USP8: variants seen among roughly 807,000 people sequenced by gnomAD.
The protein encoded by USP8 is ubiquitin carboxyl-terminal hydrolase 8.
A neutral mutation model predicts 130.0 loss-of-function variants in USP8; 27 were observed. That is an observed-to-expected ratio of 0.21 (90% CI 0.15 to 0.29). The LOEUF is 0.29. USP8 is among the 10% of genes least tolerant of loss of function. USP8 has a pLI of 1.00. For synonymous variants in USP8, 392 were observed against 444.1 expected (o/e 0.88, Z 1.48); for missense variants, 1,029 against 1,312.2 (o/e 0.78, Z 3.33).
In USP8 at chr15:50,471,828, T is replaced by A. The variant is rs778142038; in HGVS notation, c.849+33T>A. 11 of 1,610,570 alleles carry A rather than the reference T, an allele frequency of 6.8e-6. No homozygotes were observed. In the South Asian group the frequency reaches 1.2e-4, roughly 18 times the overall value. ...AGTTTCATTGTTAGTTTATTGTAAT[T>A]GCAGGGCATCTCTGGTTGTTAGAAA... On this transcript the variant is annotated intron_variant, in intron 8 of 19. Transcript: ENST00000307179.
chr15:50,434,469 C>T (rs538807876), intron 1 of USP8, among the ~76,000 whole-genome samples: 2 of 152,064 alleles, frequency 1.3e-5, no homozygotes, highest in Non-Finnish European at 2.9e-5. Context: ...TGCTGTTTGA[C>T]TAAGGCTGAA....
rs910920200 is a variant in USP8 at position 50,499,438 on chromosome 15, A to T, written c.*350A>T. ...TGGCCTTTTCACATTTCTAAATCCC[A>T]TCTTGATATACTATGAATACTCTAG... On this transcript the variant is annotated 3_prime_UTR_variant, in exon 20 of 20. Transcript: ENST00000307179. 1 of 166,686 alleles carries T rather than the reference A, an allele frequency of 6.0e-6. No homozygotes were observed. Among genetic ancestry groups the T allele is most frequent in the Non-Finnish European group, 1.3e-5 (1 of 77,860 alleles). 10.3% of individuals were successfully genotyped at this position (166,686 alleles called of 1,614,324 possible). A position where few individuals can be genotyped will look rare whatever the true frequency, so the allele number is the denominator to read the frequency against.
chr15:50,441,164 T>C lies in USP8; in HGVS notation c.105-185T>C, dbSNP rs375088176. Among the ~76,000 whole-genome samples, 7 of 152,264 alleles carry C rather than the reference T, an allele frequency of 4.6e-5. No homozygotes were observed. In the East Asian group the frequency reaches 7.7e-4, roughly 17 times the overall value. ...GTGACTGTAAATACAGATGACACTT[T>C]GCTGGCTAACCCACCACTCATCGTC... On this transcript the variant is annotated intron_variant, in intron 2 of 19. Coordinates refer to ENST00000307179, the MANE Select transcript of USP8 (RefSeq NM_005154.5).
intron 7 of USP8, among the ~76,000 whole-genome samples, chr15:50,469,831 A>ATTTTT (rs35172083): frequency 1.5e-5 from 2 of 136,068 alleles, no homozygotes; most frequent in Non-Finnish European, 1.6e-5. Context: ...ATTAAATCCA[A>ATTTTT]TTTTTTTTTT....
At chr15:50,492,584 A>T in intron 14 of USP8, 117 bp from the exon 15 acceptor site, 1 of 954,776 alleles carries the variant, frequency 1.0e-6, no homozygotes, top group Non-Finnish European at 1.5e-6. Flanking sequence ...TTAACATATT[A>T]ACTGTTTACA....
chr15:50,432,980 G>A (rs1374129377), intron 1 of USP8, among the ~76,000 whole-genome samples: 8 of 152,174 alleles, frequency 5.3e-5, no homozygotes, highest in Non-Finnish European at 7.4e-5. Flanking sequence ...GATGGCTCAC[G>A]CCTGTAATCC....
chr15:50,490,615 T>C, intron 14 of USP8, 90 bp downstream of exon 14: 1 of 1,493,782 alleles, frequency 6.7e-7, no homozygotes, highest in Non-Finnish European at 8.9e-7. Flanking sequence ...TGTCAGGGAG[T>C]TGGAAATTTC....
At position 50,449,433 on chromosome 15, in the gene USP8, A is replaced by C; in HGVS notation, c.283A>C (p.Ile95Leu). ...CCATTCAATACTTGGACCTGGAAAC[A>C]TCAAAAAAGCTGTCGAAGAAGCTGA... Reference protein sequence around the residue: ...YFHSILGPGNIKKAVEEAERL... With the variant: ...YFHSILGPGNLKKAVEEAERL... The change falls in exon 4 of 20, where the codon ATC (isoleucine) becomes CTC (leucine). Residue 95 changes from isoleucine (I) to leucine (L), a missense_variant. Around this residue, in one of 4 missense-constraint regions of USP8, gnomAD observed 281 missense variants for 336.7 expected, o/e 0.83. Transcript: ENST00000307179. 6.3e-7 allele frequency: 1 copy of C among 1,598,996 alleles called. No individual in the cohort carries two copies. Among genetic ancestry groups the C allele is most frequent in the Non-Finnish European group, 8.5e-7 (1 of 1,171,502 alleles).
chr15:50,500,780 T>G lies in USP8; in HGVS notation c.*1692T>G. 6.3e-7 allele frequency: 1 copy of G among 1,589,224 alleles called. No homozygotes were observed. The highest frequency in any genetic ancestry group is 8.6e-7 in the Non-Finnish European group (1 of 1,167,208). On this transcript the variant is annotated 3_prime_UTR_variant, in exon 20 of 20. Coordinates refer to ENST00000307179, the MANE Select transcript of USP8 (RefSeq NM_005154.5). Reference sequence around the variant, plus strand: ...TTATCAAAGCTATATCAGGCCTGGGTGACTGAATTCTTGCAGAAAGCAGTG... The same window carrying G: ...TTATCAAAGCTATATCAGGCCTGGGGGACTGAATTCTTGCAGAAAGCAGTG...
At chr15:50,444,819 A>C (rs886117445) in intron 3 of USP8, among the ~76,000 whole-genome samples, 1 of 152,108 alleles carries the variant, frequency 6.6e-6, no homozygotes, top group African/African-American at 2.4e-5. Flanking sequence ...TGCGGTGGGC[A>C]CAGTCATGGT....
intron 17 of USP8, 62 bp downstream of exon 17, chr15:50,496,146 A>G (rs947896450): frequency 1.0e-5 from 14 of 1,339,058 alleles, no homozygotes; most frequent in Non-Finnish European, 1.2e-5. Context: ...TTATGGATAT[A>G]GAGATGTAAA....
chr15:50,496,982 T>C (rs1363917001), intron 17 of USP8, 107 bp from the exon 18 acceptor site: 3 of 1,366,584 alleles, frequency 2.2e-6, no homozygotes, highest in African/African-American at 3.0e-5. Flanking sequence ...TTGTGTAGAT[T>C]GCTGTTGAAT....
At chr15:50,443,204 A>C (rs1273257587) in intron 3 of USP8, among the ~76,000 whole-genome samples, 2 of 151,614 alleles carry the variant, frequency 1.3e-5, no homozygotes, top group Non-Finnish European at 2.9e-5. Context: ...ATGCCTAGCT[A>C]ATTTTTTTGT....
intron 15 of USP8, 108 bp downstream of exon 15, chr15:50,493,021 T>C: frequency 8.9e-7 from 1 of 1,128,586 alleles, no homozygotes; most frequent in Non-Finnish European, 1.3e-6. Context: ...TACCTAAGAC[T>C]AGATAATTTG....
At chr15:50,496,181 AT>A in intron 17 of USP8, 97 bp downstream of exon 17, 2 of 1,054,296 alleles carry the variant, frequency 1.9e-6, no homozygotes, top group Non-Finnish European at 2.7e-6. Context: ...CCTTACAAAC[AT>A]TTTATCAGTA....
At position 50,477,293 on chromosome 15, in the gene USP8, T is replaced by C; in HGVS notation, c.1012T>C (p.Ser338Pro). 6.2e-7 allele frequency: 1 copy of C among 1,612,460 alleles called. No homozygotes were observed. Among genetic ancestry groups the C allele is most frequent in the South Asian group, 1.1e-5 (1 of 90,598 alleles). ...AATTTTAGTGGATTTTACTTATCCC[T>C]CATTGGAAGAATCAATTCCTTCTAA... ...VSISLDFTYP[S>P]LEESIPSKPA... Residue 338 changes from serine to proline, a missense_variant, in exon 10 of 20, where the codon TCA (serine) becomes CCA (proline). Physicochemically the swap from Ser to Pro is moderately conservative, Grantham distance 74. Coordinates refer to ENST00000307179, the MANE Select transcript of USP8 (RefSeq NM_005154.5).
chr15:50,454,710 C>G (rs923908328), intron 4 of USP8, among the ~76,000 whole-genome samples: 1 of 152,172 alleles, frequency 6.6e-6, no homozygotes, highest in Non-Finnish European at 1.5e-5. Flanking sequence ...CCACCTCGGC[C>G]TCCCAGAGTG....
At chr15:50,474,025 A>G (rs965653568) in intron 8 of USP8, among the ~76,000 whole-genome samples, 7 of 151,296 alleles carry the variant, frequency 4.6e-5, no homozygotes, top group African/African-American at 1.7e-4. Context: ...TGTTTTTTGA[A>G]GACATATCTT....
Position 50,502,053 on chromosome 15 carries a change from A to C in USP8, c.*2965A>C, listed in dbSNP as rs1038144926. 1.3e-5 allele frequency: 2 copies of C among 152,204 alleles called. No homozygotes were observed. Among genetic ancestry groups the C allele is most frequent in the African/African-American group, 4.8e-5 (2 of 41,448 alleles). The allele number at this position is 152,204 out of a possible 1,614,324, so 9.4% of individuals were successfully genotyped here. On this transcript the variant is annotated 3_prime_UTR_variant, in exon 20 of 20. Transcript: ENST00000307179. ...CTAAAATATTTACTGTTTGGCCTTT[A>C]ACAGAATAAGTTTGCTGACCTCTGC...
Sources: gnomAD v4.1 joint callset for allele counts (sites outside exome capture counted in the v4.1 genomes callset) on GRCh38, gnomAD v4.1.1 for gene constraint, gnomAD v4.1.1 regional missense constraint, MANE v1.5 for transcripts, NCBI Gene and HGNC (gene_info 2026-07-23, HGNC 2026-07-21) for gene names.